Variants in NRXN3 observed in about 807,000 individuals in gnomAD.
The protein encoded by NRXN3 is neurexin 3.
NRXN3 carries 32 observed loss-of-function variants against 137.6 expected under a neutral mutation model. The observed-to-expected ratio is 0.23, with a 90% CI of 0.18 to 0.31. The LOEUF is 0.31. NRXN3 is among the 10% of genes least tolerant of loss of function. The pLI is 1.00. For missense variants in NRXN3, 1,574 were observed against 2,062.5 expected (o/e 0.76, Z 4.59); for synonymous variants, 798 against 784.5 (o/e 1.02, Z -0.29).
chr14:79,296,696 G>T (rs963817036), intron 15 of NRXN3, among the ~76,000 whole-genome samples: 1 of 152,004 alleles, frequency 6.6e-6, no homozygotes, highest in Non-Finnish European at 1.5e-5. Context: ...ATTTACAAGA[G>T]AAAAAAAGGG....
chr14:79,520,110 G>A (rs1009988127), intron 16 of NRXN3, among the ~76,000 whole-genome samples: 2 of 151,592 alleles, frequency 1.3e-5, no homozygotes, highest in African/African-American at 2.4e-5. Flanking sequence ...CACCTTCATT[G>A]CGAATTTCAT....
chr14:79,038,494 G>T (rs1183133195), intron 15 of NRXN3, among the ~76,000 whole-genome samples: 1 of 152,038 alleles, frequency 6.6e-6, no homozygotes, highest in Non-Finnish European at 1.5e-5. Flanking sequence ...ATAGAGTTTA[G>T]ATTTCTTTGT....
Position 78,235,268 on chromosome 14 carries a change from C to T in NRXN3, c.-703-7123C>T, listed in dbSNP as rs530436202. Among the ~76,000 whole-genome samples the T allele has an allele frequency of 2.7e-4, 41 of 151,796 alleles. 1 individual carries two copies. In the South Asian group the frequency reaches 5.4e-3, roughly 20 times the overall value. The stretch of plus-strand genomic sequence containing the variant: ...CCTCACCTGGCACACTCATAACTCT[C>T]AGTGTCAGTTCATCTACACACATGA... On this transcript the variant is annotated intron_variant, in intron 1 of 20. Transcript: ENST00000335750.
chr14:78,527,118 A>C (rs2096391631), intron 4 of NRXN3, among the ~76,000 whole-genome samples: 1 of 152,178 alleles, frequency 6.6e-6, no homozygotes, highest in Non-Finnish European at 1.5e-5. Context: ...CAATAAACTA[A>C]ATTTACCCCT....
At chr14:79,158,543 C>A (rs897691067) in intron 15 of NRXN3, among the ~76,000 whole-genome samples, 4 of 151,772 alleles carry the variant, frequency 2.6e-5, no homozygotes, top group African/African-American at 4.8e-5. Flanking sequence ...AATAAGCACC[C>A]TTCTTTACTA....
chr14:78,631,126 C>T (rs997714736), intron 4 of NRXN3, among the ~76,000 whole-genome samples: 8 of 152,140 alleles, frequency 5.3e-5, no homozygotes, highest in African/African-American at 1.4e-4. Context: ...ACCAAGTTTC[C>T]GGGCCTGTAA....
At position 78,514,281 on chromosome 14, in the gene NRXN3, G is replaced by C. The variant is rs2096165689; in HGVS notation, c.758-130839G>C. Among the ~76,000 whole-genome samples, 4 of 152,216 alleles carry C rather than the reference G, an allele frequency of 2.6e-5. 1 individual carries two copies. The highest frequency in any genetic ancestry group is 3.4e-3 in the Middle Eastern group (1 of 294). ...TTATTGCCATAGGAAACTAGAGAAAGAAAAAGACACTTTGGGATGGAGAGG... is the reference window on the plus strand; with the variant it reads ...TTATTGCCATAGGAAACTAGAGAAACAAAAAGACACTTTGGGATGGAGAGG... On this transcript the variant is annotated intron_variant, in intron 4 of 20. Coordinates refer to ENST00000335750, the MANE Select transcript of NRXN3 (RefSeq NM_001330195.2).
intron 19 of NRXN3, among the ~76,000 whole-genome samples, chr14:79,760,344 T>C (rs1490640074): frequency 6.6e-6 from 1 of 151,166 alleles, no homozygotes; most frequent in Non-Finnish European, 1.5e-5. Flanking sequence ...ATATCAGTTA[T>C]ATTCCCTGAG....
At chr14:78,714,328 C>T (rs1166548712) in intron 7 of NRXN3, among the ~76,000 whole-genome samples, 2 of 152,182 alleles carry the variant, frequency 1.3e-5, no homozygotes, top group Admixed American at 1.3e-4. Flanking sequence ...ATCACACCAA[C>T]CTATGAGGTG....
chr14:78,367,756 G>A (rs2086198050), intron 4 of NRXN3, among the ~76,000 whole-genome samples: 1 of 152,182 alleles, frequency 6.6e-6, no homozygotes, highest in African/African-American at 2.4e-5. Flanking sequence ...TTCTGAATCT[G>A]ATTCTGATTT....
intron 15 of NRXN3, among the ~76,000 whole-genome samples, chr14:79,051,028 C>T (rs2099641083): frequency 6.6e-6 from 1 of 152,120 alleles, no homozygotes; most frequent in South Asian, 2.1e-4. Flanking sequence ...TGAGGGGATA[C>T]TATTGTTATC....
At chr14:79,660,631 C>T (rs539588992) in intron 16 of NRXN3, among the ~76,000 whole-genome samples, 12 of 152,254 alleles carry the variant, frequency 7.9e-5, no homozygotes, top group African/African-American at 2.9e-4. Flanking sequence ...GAGCCAGAAC[C>T]GTACTTGGCC....
chr14:78,979,499 C>G (rs893321728), intron 14 of NRXN3, among the ~76,000 whole-genome samples: 18 of 151,928 alleles, frequency 1.2e-4, no homozygotes, highest in Non-Finnish European at 5.9e-5. Flanking sequence ...TTCCTTCCAC[C>G]CAACTACTGT....
At chr14:78,951,597 A>G (rs1238198290) in intron 10 of NRXN3, among the ~76,000 whole-genome samples, 2 of 152,080 alleles carry the variant, frequency 1.3e-5, no homozygotes, top group African/African-American at 2.4e-5. Context: ...ACTCAACCCT[A>G]TCTAAAATTA....
At chr14:79,757,637 C>G (rs546016318) in intron 19 of NRXN3, among the ~76,000 whole-genome samples, 1 of 152,248 alleles carries the variant, frequency 6.6e-6, no homozygotes, top group African/African-American at 2.4e-5. Context: ...ATAGGTACAG[C>G]ATGATGCAGT....
At chr14:78,678,756 G>A (rs1423595603) in intron 6 of NRXN3, among the ~76,000 whole-genome samples, 3 of 152,094 alleles carry the variant, frequency 2.0e-5, no homozygotes, top group Non-Finnish European at 2.9e-5. Context: ...TAAGGTCCTT[G>A]TTTCTACTGA....
At position 79,868,108 on chromosome 14, in the gene NRXN3, T is replaced by C. The variant is rs138040484; in HGVS notation, c.*6144T>C. 362 of 152,332 alleles carry C rather than the reference T, an allele frequency of 2.4e-3. No individual in the cohort carries two copies. Among genetic ancestry groups the C allele is most frequent in the Middle Eastern group, 0.014 (4 of 294 alleles). 9.4% of individuals were successfully genotyped at this position (152,332 alleles called of 1,614,324 possible). The stretch of plus-strand genomic sequence containing the variant: ...TATCTTGCAGGTTTCTTGAGAAATA[T>C]TGGATGAAATAATTCATGTGAAATG... On this transcript the variant is annotated 3_prime_UTR_variant, in exon 21 of 21. Coordinates refer to ENST00000335750, the MANE Select transcript of NRXN3 (RefSeq NM_001330195.2).
intron 17 of NRXN3, among the ~76,000 whole-genome samples, chr14:79,679,022 A>G (rs917802422): frequency 7.2e-5 from 11 of 151,964 alleles, no homozygotes; most frequent in African/African-American, 2.2e-4. Flanking sequence ...TTCCACCAAG[A>G]TAATATATCT....
At chr14:78,615,771 C>T (rs923969176) in intron 4 of NRXN3, among the ~76,000 whole-genome samples, 31 of 151,726 alleles carry the variant, frequency 2.0e-4, no homozygotes, top group South Asian at 4.2e-4. Context: ...ACAGTCTCTA[C>T]CCCCAAAAAA....
Sources: gnomAD v4.1 joint callset for allele counts (sites outside exome capture counted in the v4.1 genomes callset) on GRCh38, gnomAD v4.1.1 for gene constraint, MANE v1.5 for transcripts, NCBI Gene and HGNC (gene_info 2026-07-23, HGNC 2026-07-21) for gene names.